The following NCKAP1 variants were observed in gnomAD, a reference collection of about 807,000 sequenced individuals.
NCKAP1 encodes the protein NCK associated protein 1.
In NCKAP1, 21 loss-of-function variants were observed where a neutral mutation model predicts 151.2. The observed-to-expected ratio is 0.14, with a 90% CI of 0.10 to 0.20. The LOEUF (loss-of-function observed/expected upper bound fraction) is 0.20, where lower values mean the gene tolerates loss of function less well. Among genes scored for constraint, NCKAP1 ranks in the 10% least tolerant of loss-of-function variants. The pLI is 1.00. For synonymous variants in NCKAP1, 484 were observed against 451.8 expected (o/e 1.07, Z -0.90); for missense variants, 933 against 1,352.1 (o/e 0.69, Z 4.86).
At position 182,925,013 on chromosome 2, in the gene NCKAP1, T is replaced by C. The variant is rs1018828005; in HGVS notation, c.*689A>G. Reference sequence around the variant, plus strand: ...AACAGTTGATAAATGTCTAAGATTGTTTATTATACAGCAGGGTACAATGGT... The same window carrying C: ...AACAGTTGATAAATGTCTAAGATTGCTTATTATACAGCAGGGTACAATGGT... On this transcript the variant is annotated 3_prime_UTR_variant, in exon 31 of 31. Coordinates refer to ENST00000361354, the MANE Select transcript of NCKAP1 (RefSeq NM_013436.5). 6.6e-6 allele frequency: 1 copy of C among 152,118 alleles called. No individual in the cohort carries two copies. Among genetic ancestry groups the C allele is most frequent in the Admixed American group, 6.6e-5 (1 of 15,252 alleles). 9.4% of individuals were successfully genotyped at this position (152,118 alleles called of 1,614,324 possible).
At chr2:183,017,387 T>G (rs1403535459) in intron 2 of NCKAP1, among the ~76,000 whole-genome samples, 1 of 151,930 alleles carries the variant, frequency 6.6e-6, no homozygotes, top group East Asian at 1.9e-4. Flanking sequence ...CATCTGGGGG[T>G]GATGGGAGAC....
intron 2 of NCKAP1, among the ~76,000 whole-genome samples, chr2:183,018,918 G>C (rs964817421): frequency 6.6e-6 from 1 of 152,112 alleles, no homozygotes; most frequent in Non-Finnish European, 1.5e-5. Flanking sequence ...GAGTTGCTTT[G>C]TCTTTCCTAG....
At chr2:183,017,833 A>T (rs1346994799) in intron 2 of NCKAP1, among the ~76,000 whole-genome samples, 4 of 152,224 alleles carry the variant, frequency 2.6e-5, no homozygotes, top group African/African-American at 9.7e-5. Context: ...AAAGTCAAAG[A>T]GGTAAATGTT....
intron 7 of NCKAP1, 74 bp downstream of exon 7, chr2:182,995,627 C>T: frequency 7.3e-7 from 1 of 1,374,714 alleles, no homozygotes; most frequent in Non-Finnish European, 1.0e-6. Flanking sequence ...AAACAAACAG[C>T]AACAGCATTA....
intron 8 of NCKAP1, among the ~76,000 whole-genome samples, chr2:182,989,798 G>A (rs966093023): frequency 6.6e-6 from 1 of 151,860 alleles, no homozygotes; most frequent in Admixed American, 6.6e-5. Context: ...TTAGGAGTTC[G>A]AGACCAGCCT....
At position 183,038,362 on chromosome 2, in the gene NCKAP1, G is replaced by A. The variant is rs1166711899; in HGVS notation, c.-263C>T. 1.4e-5 allele frequency: 4 copies of A among 293,308 alleles called. No individual in the cohort carries two copies. Among genetic ancestry groups the A allele is most frequent in the Non-Finnish European group, 1.9e-5 (3 of 160,546 alleles). 18.2% of individuals were successfully genotyped at this position (293,308 alleles called of 1,614,324 possible). ...CGCCGCCCTTCCGCCCCCACCCCCG[G>A]CGCTCTCCGCCCCAGCCCCCAACGA... On this transcript the variant is annotated 5_prime_UTR_variant, in exon 1 of 31. Coordinates refer to ENST00000361354, the MANE Select transcript of NCKAP1 (RefSeq NM_013436.5).
chr2:182,950,540 A>G (rs1419354381), intron 23 of NCKAP1, among the ~76,000 whole-genome samples: 2 of 152,188 alleles, frequency 1.3e-5, no homozygotes, highest in Admixed American at 1.3e-4. Context: ...GTAAAGAACC[A>G]AGACCAGCAT....
rs1488349695 is a variant in NCKAP1 at position 182,922,049 on chromosome 2, T to C, written c.*3653A>G. ...GAAAATTCAGGCTCAGGCCTTCAAA[T>C]GAAATGATGGTTCATGCTGTCATTT... On this transcript the variant is annotated 3_prime_UTR_variant, in exon 31 of 31. Transcript: ENST00000361354. 2.6e-5 allele frequency: 4 copies of C among 152,200 alleles called. No individual in the cohort carries two copies. Among genetic ancestry groups the C allele is most frequent in the East Asian group, 1.9e-4 (1 of 5,198 alleles). The allele number at this position is 152,200 out of a possible 1,614,324, so 9.4% of individuals were successfully genotyped here.
At chr2:182,956,902 G>A (rs1157548485) in intron 19 of NCKAP1, 3 of 199,968 alleles carry the variant, frequency 1.5e-5, no homozygotes, top group East Asian at 2.6e-4. Context: ...TCTGTTATGA[G>A]AGAAGGAAAG....
intron 10 of NCKAP1, among the ~76,000 whole-genome samples, chr2:182,984,990 C>T (rs1192407178): frequency 1.3e-5 from 2 of 152,112 alleles, no homozygotes; most frequent in Admixed American, 6.5e-5. Flanking sequence ...TAGCGTCTAT[C>T]CCACGAAGAA....
intron 23 of NCKAP1, among the ~76,000 whole-genome samples, chr2:182,951,649 AAAAC>A (rs1232432262): frequency 7.4e-4 from 111 of 150,738 alleles, no homozygotes; most frequent in African/African-American, 2.5e-3. Flanking sequence ...AAAAAAAAAA[AAAAC>A]AAACAAACAA....
intron 10 of NCKAP1, among the ~76,000 whole-genome samples, chr2:182,984,820 G>T (rs1360282344): frequency 6.6e-6 from 1 of 152,142 alleles, no homozygotes; most frequent in Non-Finnish European, 1.5e-5. Context: ...GGGAGAAAAT[G>T]TCTATAAAGT....
chr2:182,938,816 G>C (rs951944518), intron 24 of NCKAP1, among the ~76,000 whole-genome samples: 3 of 152,190 alleles, frequency 2.0e-5, no homozygotes, highest in African/African-American at 7.2e-5. Context: ...AATATGTAAA[G>C]CCAGGAATAG....
chr2:183,005,060 A>G (rs549410638), intron 2 of NCKAP1, among the ~76,000 whole-genome samples: 1 of 152,284 alleles, frequency 6.6e-6, no homozygotes, highest in African/African-American at 2.4e-5. Flanking sequence ...GTTTATATGC[A>G]CATTTTAATC....
chr2:182,960,383 G>A (rs1217397133), intron 18 of NCKAP1, among the ~76,000 whole-genome samples: 1 of 152,128 alleles, frequency 6.6e-6, no homozygotes, highest in African/African-American at 2.4e-5. Flanking sequence ...CCAAAACAGA[G>A]ATATAGACCA....
intron 13 of NCKAP1, among the ~76,000 whole-genome samples, chr2:182,979,399 T>C (rs1466309073): frequency 6.6e-6 from 1 of 152,114 alleles, no homozygotes; most frequent in Non-Finnish European, 1.5e-5. Flanking sequence ...ATGTTAGGCC[T>C]CAACAAAATT....
At chr2:183,035,882 T>C (rs945823225) in intron 1 of NCKAP1, among the ~76,000 whole-genome samples, 1 of 152,138 alleles carries the variant, frequency 6.6e-6, no homozygotes, top group Non-Finnish European at 1.5e-5. Flanking sequence ...GCCTCGAGTA[T>C]CAGATAAGGC....
chr2:182,998,172 C>T (rs930218472), intron 6 of NCKAP1, among the ~76,000 whole-genome samples: 3 of 152,132 alleles, frequency 2.0e-5, no homozygotes, highest in African/African-American at 4.8e-5. Context: ...CAAAGGAACA[C>T]ACCTCAAAAT....
intron 6 of NCKAP1, among the ~76,000 whole-genome samples, chr2:182,998,743 T>C (rs1352161884): frequency 1.3e-5 from 2 of 148,644 alleles, no homozygotes; most frequent in South Asian, 2.1e-4. Context: ...GGCAGGAGAA[T>C]TGCTTGAACC....
Sources: gnomAD v4.1 joint callset for allele counts (sites outside exome capture counted in the v4.1 genomes callset) on GRCh38, gnomAD v4.1.1 for gene constraint, MANE v1.5 for transcripts, NCBI Gene and HGNC (gene_info 2026-07-23, HGNC 2026-07-21) for gene names.